The following PIP5K1C variants were observed in gnomAD, a reference collection of about 807,000 sequenced individuals.
PIP5K1C encodes the protein phosphatidylinositol 4-phosphate 5-kinase type-1 gamma.
Under a neutral mutation model 80.1 loss-of-function variants are expected in PIP5K1C, and 45 were observed. The observed-to-expected ratio is 0.56, with a 90% CI of 0.44 to 0.72. PIP5K1C has a LOEUF of 0.72. Ranked by LOEUF, PIP5K1C falls within the 30% of genes least tolerant of loss-of-function variation. The pLI is 0.00. For missense variants in PIP5K1C, 753 were observed against 954.6 expected (o/e 0.79, Z 2.78); for synonymous variants, 498 against 420.1 (o/e 1.19, Z -2.27).
At chr19:3,651,026 G>A (rs2034422804) in intron 8 of PIP5K1C, among the ~76,000 whole-genome samples, 1 of 148,046 alleles carries the variant, frequency 6.8e-6, no homozygotes, top group South Asian at 2.1e-4. Flanking sequence ...AAAGTGCTGG[G>A]ATTACAGGTG....
Position 3,700,394 on chromosome 19 carries a change from C to A in PIP5K1C, c.-4G>T. ...CGTCCGGTACCTCCAGCTCCATGGCCGCGCGCGGACGGCGGCGGGGGCGCC... is the reference window on the plus strand; with the variant it reads ...CGTCCGGTACCTCCAGCTCCATGGCAGCGCGCGGACGGCGGCGGGGGCGCC... On this transcript the variant is annotated 5_prime_UTR_variant, in exon 1 of 18. Transcript: ENST00000335312. 1 of 1,131,264 alleles carries A rather than the reference C, an allele frequency of 8.8e-7. No homozygotes were observed. The highest frequency in any genetic ancestry group is 1.1e-6 in the Non-Finnish European group (1 of 920,318). 70.1% of individuals were successfully genotyped at this position (1,131,264 alleles called of 1,614,324 possible). A position where few individuals can be genotyped will look rare whatever the true frequency, so the allele number is the denominator to read the frequency against.
At position 3,680,960 on chromosome 19, in the gene PIP5K1C, C is replaced by G. The variant is rs8103467; in HGVS notation, c.95-13607G>C. On this transcript the variant is annotated intron_variant, in intron 1 of 17. Transcript: ENST00000335312. ...GCGGAGGCCAGCGACACTGCTCAGC[C>G]CCCTGCAGTGCCCAGGATGGCCCTA... Among the ~76,000 whole-genome samples, 170 of 152,298 alleles carry G rather than the reference C, an allele frequency of 1.1e-3. 1 individual carries two copies. Among genetic ancestry groups the G allele is most frequent in the African/African-American group, 4.0e-3 (167 of 41,546 alleles).
chr19:3,650,302 CAG>C (rs777953031), intron 8 of PIP5K1C, among the ~76,000 whole-genome samples: 32 of 152,262 alleles, frequency 2.1e-4, no homozygotes, highest in Non-Finnish European at 4.3e-4. Flanking sequence ...CAGCTGGAAA[CAG>C]GGGAAGCCCA....
At chr19:3,695,938 C>T (rs2036089001) in intron 1 of PIP5K1C, among the ~76,000 whole-genome samples, 1 of 152,014 alleles carries the variant, frequency 6.6e-6, no homozygotes, top group South Asian at 2.1e-4. Flanking sequence ...CTATGTTGCT[C>T]CAGGCTGGTC....
Position 3,687,992 on chromosome 19 carries a change from C to T in PIP5K1C, c.94+12305G>A, listed in dbSNP as rs528846696. Among the ~76,000 whole-genome samples the T allele has an allele frequency of 2.3e-3, 343 of 152,286 alleles. 1 individual carries two copies. Among genetic ancestry groups the T allele is most frequent in the African/African-American group, 7.3e-3 (305 of 41,568 alleles). The stretch of plus-strand genomic sequence containing the variant: ...CTCAGCACCAAGCTCCCGGGCGGGC[C>T]GGGGCAGGAGGCTGTGGGGCGTGGC... On this transcript the variant is annotated intron_variant, in intron 1 of 17. Transcript: ENST00000335312.
intron 11 of PIP5K1C, among the ~76,000 whole-genome samples, chr19:3,645,569 G>A (rs947661489): frequency 1.3e-5 from 2 of 152,150 alleles, no homozygotes; most frequent in African/African-American, 2.4e-5. Context: ...CCCGGGGTGC[G>A]TTTCCTTGGC....
intron 16 of PIP5K1C, chr19:3,636,351 G>C: frequency 1.0e-6 from 1 of 977,666 alleles, no homozygotes. Context: ...CTCAGGCCTT[G>C]GGGTGCTTTC....
chr19:3,651,501 G>A (rs187478036), intron 8 of PIP5K1C, among the ~76,000 whole-genome samples: 53 of 152,318 alleles, frequency 3.5e-4, no homozygotes, highest in Middle Eastern at 3.4e-3. Flanking sequence ...CACGGGTGGC[G>A]TGTAGACCCC....
chr19:3,642,252 G>A (rs951702511), intron 14 of PIP5K1C, among the ~76,000 whole-genome samples: 11 of 152,216 alleles, frequency 7.2e-5, no homozygotes, highest in Admixed American at 3.3e-4. Flanking sequence ...AGGCGGCAGC[G>A]ATTAAAACAC....
At chr19:3,691,163 C>T (rs576512620) in intron 1 of PIP5K1C, among the ~76,000 whole-genome samples, 13 of 152,294 alleles carry the variant, frequency 8.5e-5, no homozygotes, top group African/African-American at 2.4e-4. Flanking sequence ...CACAAGAAGA[C>T]GAATATACGC....
rs1356149864 is a variant in PIP5K1C, at chr19:3,664,842, C to T, written c.199G>A (p.Gly67Ser). 1.2e-6 allele frequency: 2 copies of T among 1,613,030 alleles called. No homozygotes were observed. The highest frequency in any genetic ancestry group is 1.3e-5 in the African/African-American group (1 of 74,932). Residue 67 changes from glycine (G) to serine (S), a missense_variant, in exon 3 of 18, where the codon GGC becomes AGC. By Grantham distance (56) the Gly-to-Ser change is moderately conservative (BLOSUM62 0). Transcript: ENST00000335312. ...GGAACCTTCTTGTAGGTGGTTTCGC[C>T]GGATGCGTCCACACCTCGATGGCCC... ...KLGHRGVDAS[G>S]ETTYKKTTSS...
chr19:3,682,960 T>G, intron 1 of PIP5K1C, among the ~76,000 whole-genome samples: 1 of 110,168 alleles, frequency 9.1e-6, no homozygotes, highest in African/African-American at 3.5e-5. Context: ...TCCCCTCCTG[T>G]CCTTCCCCTC....
chr19:3,689,632 G>A (rs1189224373), intron 1 of PIP5K1C, among the ~76,000 whole-genome samples: 1 of 152,062 alleles, frequency 6.6e-6, no homozygotes, highest in Admixed American at 6.5e-5. Context: ...CTGGACGAGA[G>A]GGCAAAACTC....
intron 1 of PIP5K1C, among the ~76,000 whole-genome samples, chr19:3,687,222 C>T (rs912491317): frequency 8.6e-5 from 13 of 151,372 alleles, no homozygotes; most frequent in Non-Finnish European, 1.6e-4. Flanking sequence ...ATTAGCCAGG[C>T]ATGGTGGCAC....
intron 1 of PIP5K1C, among the ~76,000 whole-genome samples, chr19:3,679,450 T>C (rs1568351608): frequency 6.6e-6 from 1 of 152,226 alleles, no homozygotes; most frequent in East Asian, 1.9e-4. Context: ...CTACCCGCCT[T>C]GCATCCCATT....
chr19:3,698,418 C>T (rs952333785), intron 1 of PIP5K1C, among the ~76,000 whole-genome samples: 4 of 152,218 alleles, frequency 2.6e-5, no homozygotes, highest in African/African-American at 9.6e-5. Flanking sequence ...CACTGCCTGG[C>T]GCTCGCCCTC....
intron 3 of PIP5K1C, 22 bp from the exon 4 acceptor site, chr19:3,662,023 AG>A: frequency 6.4e-7 from 1 of 1,568,960 alleles, no homozygotes; most frequent in South Asian, 1.2e-5. Flanking sequence ...CCAGAGTGTC[AG>A]GGCCCCCGGC....
chr19:3,676,132 C>A (rs2035349481), intron 1 of PIP5K1C, among the ~76,000 whole-genome samples: 1 of 151,262 alleles, frequency 6.6e-6, no homozygotes, highest in Non-Finnish European at 1.5e-5. Context: ...CTGGGGAGAA[C>A]CCATGTGGCC....
rs961462989 is a variant in PIP5K1C, at chr19:3,643,640, C to T, written c.1511-259G>A. Among the ~76,000 whole-genome samples, 30 of 152,086 alleles carry T rather than the reference C, an allele frequency of 2.0e-4. 1 individual carries two copies. Among genetic ancestry groups the T allele is most frequent in the Non-Finnish European group, 1.5e-5 (1 of 67,994 alleles). The stretch of plus-strand genomic sequence containing the variant: ...CCCGTCCCCTCTCCACTCTCCCTCC[C>T]CGCTGTCTTCCCCTCCACTGCTCTC... On this transcript the variant is annotated intron_variant, in intron 12 of 17. Transcript: ENST00000335312.
Sources: allele counts gnomAD v4.1 joint callset (sites outside exome capture counted in the v4.1 genomes callset), GRCh38; gene constraint gnomAD v4.1.1; transcripts MANE v1.5; gene names NCBI Gene and HGNC (gene_info 2026-07-23, HGNC 2026-07-21).